ENOX1: variants seen among roughly 807,000 people sequenced by gnomAD.
ENOX1 encodes candidate growth-related and time keeping constitutive hydroquinone (NADH) oxidase.
In ENOX1, 42 loss-of-function variants were observed where a neutral mutation model predicts 82.5. The observed-to-expected ratio is 0.51, with a 90% CI of 0.40 to 0.66. ENOX1 has a LOEUF of 0.66. Ranked by LOEUF, ENOX1 falls within the 30% of genes least tolerant of loss-of-function variation. The probability of loss-of-function intolerance (pLI) is 0.00; values close to 1 mark genes in which losing one functional copy is unlikely to be tolerated. For synonymous variants in ENOX1, 271 were observed against 282.2 expected, an observed-to-expected ratio of 0.96 and a Z score of 0.40; for missense variants, 608 against 811.6, an observed-to-expected ratio of 0.75 and a Z score of 3.05.
chr13:43,551,001 T>C (rs1309395817), intron 2 of ENOX1, among the ~76,000 whole-genome samples: 1 of 152,220 alleles, frequency 6.6e-6, no homozygotes, highest in Non-Finnish European at 1.5e-5. Flanking sequence ...TTGTGCTTTT[T>C]CCCAGTAACA....
intron 2 of ENOX1, among the ~76,000 whole-genome samples, chr13:43,519,922 C>A (rs1287728921): frequency 1.3e-5 from 2 of 152,096 alleles, no homozygotes; most frequent in Non-Finnish European, 2.9e-5. Context: ...GGTTTAGTGT[C>A]CCTCCCAGGT....
At chr13:43,360,796 A>C (rs1001275929) in intron 6 of ENOX1, among the ~76,000 whole-genome samples, 2 of 151,864 alleles carry the variant, frequency 1.3e-5, no homozygotes, top group Non-Finnish European at 2.9e-5. Flanking sequence ...TGGCCCATTT[A>C]CTTCATCAAA....
intron 2 of ENOX1, among the ~76,000 whole-genome samples, chr13:43,612,762 C>T (rs2082249410): frequency 6.6e-6 from 1 of 152,142 alleles, no homozygotes; most frequent in Non-Finnish European, 1.5e-5. Flanking sequence ...CAGTAGCAAG[C>T]ATTATGATCT....
At chr13:43,407,551 C>T (rs9525771) in intron 5 of ENOX1, among the ~76,000 whole-genome samples, 33,417 of 152,130 alleles carry the variant, frequency 0.22, 4,603 homozygotes, top group East Asian at 0.52. Context: ...TTAAGCCCCG[C>T]ATGCATTAGG....
intron 14 of ENOX1, among the ~76,000 whole-genome samples, chr13:43,246,356 C>A (rs1451955697): frequency 2.6e-5 from 4 of 152,228 alleles, no homozygotes; most frequent in Non-Finnish European, 4.4e-5. Context: ...GCCTGTGGCG[C>A]TCTGTGACCA....
At chr13:43,387,560 G>A (rs2052497107) in intron 5 of ENOX1, among the ~76,000 whole-genome samples, 1 of 151,976 alleles carries the variant, frequency 6.6e-6, no homozygotes, top group Admixed American at 6.6e-5. Context: ...GATAACTACT[G>A]TCTTTTATGC....
chr13:43,265,296 C>T (rs541430514), intron 14 of ENOX1, 102 bp downstream of exon 14: 4 of 956,126 alleles, frequency 4.2e-6, no homozygotes, highest in East Asian at 2.6e-5. Context: ...TGCTGACAGG[C>T]AGAGCTTCTG....
chr13:43,634,181 C>A (rs1052029441), intron 2 of ENOX1, among the ~76,000 whole-genome samples: 2 of 152,170 alleles, frequency 1.3e-5, no homozygotes, highest in Admixed American at 6.5e-5. Flanking sequence ...TCCTATAGTG[C>A]AAGTTGGTCT....
At chr13:43,727,771 G>A (rs1157531410) in intron 1 of ENOX1, among the ~76,000 whole-genome samples, 1 of 152,058 alleles carries the variant, frequency 6.6e-6, no homozygotes, top group African/African-American at 2.4e-5. Context: ...ACAACTTTGA[G>A]TGGTTTTTAA....
intron 3 of ENOX1, among the ~76,000 whole-genome samples, chr13:43,476,145 T>C (rs2058274299): frequency 1.3e-5 from 2 of 152,194 alleles, no homozygotes; most frequent in Admixed American, 6.6e-5. Context: ...CAAATATTAC[T>C]GTAATCGCTA....
intron 3 of ENOX1, among the ~76,000 whole-genome samples, chr13:43,454,331 T>G (rs575379510): frequency 6.6e-6 from 1 of 152,184 alleles, no homozygotes; most frequent in African/African-American, 2.4e-5. Flanking sequence ...TAGGTAAGAC[T>G]TTTGCTGCAA....
rs184582318 is a variant in ENOX1, at chr13:43,676,525, T to C, written c.-284-8981A>G. 1.4e-3 allele frequency among the ~76,000 whole-genome samples: 214 copies of C among 152,314 alleles called. 1 individual carries two copies. The highest frequency in any genetic ancestry group is 4.9e-3 in the African/African-American group (203 of 41,570). ...GAAGGGGTGTCCGCCTCTATGTTTG[T>C]CCCTGTGAGTCATACATTTTCTGTT... On this transcript the variant is annotated intron_variant, in intron 1 of 16. Coordinates refer to ENST00000690772, the MANE Select transcript of ENOX1 (RefSeq NM_001347969.2).
intron 5 of ENOX1, among the ~76,000 whole-genome samples, chr13:43,391,652 C>A (rs1159541117): frequency 7.2e-5 from 11 of 152,134 alleles, no homozygotes. Flanking sequence ...TAATCCATCA[C>A]AAAATCCTAA....
chr13:43,775,137 C>T (rs1350744544), intron 1 of ENOX1, among the ~76,000 whole-genome samples: 4 of 152,118 alleles, frequency 2.6e-5, no homozygotes, highest in Non-Finnish European at 4.4e-5. Flanking sequence ...CCTGAGCCAC[C>T]GTGCCCAACC....
At chr13:43,533,337 GT>G (rs2078313037) in intron 2 of ENOX1, among the ~76,000 whole-genome samples, 1 of 152,044 alleles carries the variant, frequency 6.6e-6, no homozygotes, top group Non-Finnish European at 1.5e-5. Context: ...TCAATATTTT[GT>G]GTCATTTTTC....
rs191721337 is a variant in ENOX1 at position 43,648,876 on chromosome 13, G to A, written c.-219+18603C>T. On this transcript the variant is annotated intron_variant, in intron 2 of 16. Coordinates refer to ENST00000690772, the MANE Select transcript of ENOX1 (RefSeq NM_001347969.2). ...TGGATGTGGTTAGACTCCCTGTGACGGCTACATTGCTGTTACTGTGATAGA... is the reference window on the plus strand; with the variant it reads ...TGGATGTGGTTAGACTCCCTGTGACAGCTACATTGCTGTTACTGTGATAGA... 2.0e-3 allele frequency among the ~76,000 whole-genome samples: 312 copies of A among 152,234 alleles called. 3 individuals are homozygous for A. Among genetic ancestry groups the A allele is most frequent in the African/African-American group, 7.2e-3 (300 of 41,556 alleles).
intron 5 of ENOX1, among the ~76,000 whole-genome samples, chr13:43,384,245 G>C (rs1177994464): frequency 3.9e-5 from 6 of 152,200 alleles, no homozygotes; most frequent in African/African-American, 1.4e-4. Context: ...AATAACATTT[G>C]TAGAGAATGA....
intron 3 of ENOX1, among the ~76,000 whole-genome samples, chr13:43,428,030 C>T (rs2055426771): frequency 6.6e-6 from 1 of 152,138 alleles, no homozygotes; most frequent in African/African-American, 2.4e-5. Context: ...AAGGTCAAGC[C>T]CTGGTCTGAG....
At chr13:43,470,251 T>TATATATACATATATATAC (rs1218459806) in intron 3 of ENOX1, among the ~76,000 whole-genome samples, 1 of 44,096 alleles carries the variant, frequency 2.3e-5, no homozygotes, top group East Asian at 1.1e-3. Flanking sequence ...TATATATACA[T>TATATATACATATATATAC]ATATATATAC....
Sources: allele counts gnomAD v4.1 joint callset (sites outside exome capture counted in the v4.1 genomes callset), GRCh38; gene constraint gnomAD v4.1.1; transcripts MANE v1.5; gene names NCBI Gene and HGNC (gene_info 2026-07-23, HGNC 2026-07-21).